The following RGS3 variants were observed in gnomAD, a reference collection of about 807,000 sequenced individuals.
The protein encoded by RGS3 is regulator of G-protein signalling 3.
Under a neutral mutation model 132.6 loss-of-function variants are expected in RGS3, and 80 were observed. That is an observed-to-expected ratio of 0.60 (90% CI 0.50 to 0.73). The LOEUF (loss-of-function observed/expected upper bound fraction) is 0.73, where lower values mean the gene tolerates loss of function less well. RGS3 is among the 30% of genes least tolerant of loss of function. The probability of loss-of-function intolerance (pLI) is 0.00; values close to 1 mark genes in which losing one functional copy is unlikely to be tolerated. For synonymous variants in RGS3, 598 were observed against 620.6 expected (o/e 0.96, Z 0.54); for missense variants, 1,382 against 1,530.8 (o/e 0.90, Z 1.62).
At chr9:113,594,785 C>T in intron 22 of RGS3, 134 bp from the exon 21 acceptor site, 2 of 848,930 alleles carry the variant, frequency 2.4e-6, no homozygotes, top group South Asian at 1.6e-5. Flanking sequence ...GGGTGGGCCT[C>T]CTTCCTGGGC....
At chr9:113,495,673 A>C in intron 7 of RGS3, 113 bp from the exon 6 acceptor site, 1 of 828,918 alleles carries the variant, frequency 1.2e-6, no homozygotes, top group Non-Finnish European at 2.1e-6. Context: ...TGATGTGGGT[A>C]AAAAGCTTTG....
Position 113,507,385 on chromosome 9 carries a change from C to T in RGS3, c.1184C>T (p.Ser395Leu), listed in dbSNP as rs373897901. The T allele has an allele frequency of 1.7e-5, 27 of 1,613,782 alleles. No individual in the cohort carries two copies. Among genetic ancestry groups the T allele is most frequent in the Admixed American group, 3.3e-5 (2 of 60,020 alleles). ...GTCCTGCGGCGGGCCTCCTGCAAGT[C>T]GACACATGACCTCCAGTCACCCCCC... Residue 395 changes from serine to leucine, a missense_variant, in exon 13 of 25, where the codon TCG (serine) becomes TTG (leucine). Ser to Leu is a moderately radical substitution (Grantham distance 145). Transcript: ENST00000350696. The surrounding 1 kb of genome is among the most constrained non-coding windows in gnomAD (Gnocchi z 5.0).
intron 10 of RGS3, chr9:113,501,773 G>A (rs1355564540): frequency 1.1e-6 from 1 of 910,566 alleles, no homozygotes; most frequent in Non-Finnish European, 1.7e-6. Flanking sequence ...TGGGGAGGAG[G>A]ATAGAGACAG....
intron 19 of RGS3, among the ~76,000 whole-genome samples, chr9:113,567,014 C>A (rs998306779): frequency 6.6e-5 from 10 of 152,362 alleles, no homozygotes; most frequent in African/African-American, 2.4e-4. Flanking sequence ...GGGCTCACTG[C>A]AAGCCCAGAC....
At chr9:113,514,896 C>A (rs1021481460) in intron 15 of RGS3, among the ~76,000 whole-genome samples, 1 of 152,160 alleles carries the variant, frequency 6.6e-6, no homozygotes, top group Non-Finnish European at 1.5e-5. Context: ...CTCTCCTTCC[C>A]CCACCTCGCC....
Position 113,541,507 on chromosome 9 carries a change from A to C in RGS3, c.2037+4589A>C. On this transcript the variant is annotated intron_variant, in intron 19 of 24. Transcript: ENST00000350696. Reference sequence around the variant, plus strand: ...CCCTACCACACAGTAACCTCACCTCAACTGGACCTGAAACAGAGGACCAAG... The same window carrying C: ...CCCTACCACACAGTAACCTCACCTCCACTGGACCTGAAACAGAGGACCAAG... The C allele has an allele frequency of 8.3e-6, 13 of 1,561,500 alleles. No individual in the cohort carries two copies. The East Asian group carries it at 1.4e-4, about 16-fold the overall frequency.
At chr9:113,517,250 A>C in intron 15 of RGS3, 1 of 553,184 alleles carries the variant, frequency 1.8e-6, no homozygotes, top group Non-Finnish European at 3.5e-6. Flanking sequence ...GGGGCTGAGG[A>C]CTGCAGAGGG....
At chr9:113,460,299 T>A (rs1829444738) in exon 1 of RGS3, 1 of 511,798 alleles carries the variant, frequency 2.0e-6, no homozygotes, top group South Asian at 1.9e-5. Context: ...GATGGGCAGA[T>A]CGCAAGGTCA....
At chr9:113,465,818 G>A (rs924405676) in intron 3 of RGS3, among the ~76,000 whole-genome samples, 1 of 152,138 alleles carries the variant, frequency 6.6e-6, no homozygotes, top group Non-Finnish European at 1.5e-5. Context: ...ATTCGTGCAG[G>A]CTCCTCTCAC....
intron 19 of RGS3, among the ~76,000 whole-genome samples, chr9:113,572,874 C>G (rs888670132): frequency 2.8e-4 from 42 of 152,360 alleles, no homozygotes; most frequent in Admixed American, 7.8e-4. Context: ...AGTTTCCCCC[C>G]CTGAAACCTG....
chr9:113,540,941 G>T (rs948610356), intron 19 of RGS3, among the ~76,000 whole-genome samples: 6 of 152,214 alleles, frequency 3.9e-5, no homozygotes, highest in Non-Finnish European at 5.9e-5. Flanking sequence ...TGAACTAGCC[G>T]CTATCGTTCT....
intron 19 of RGS3, among the ~76,000 whole-genome samples, chr9:113,567,601 A>G (rs1834070936): frequency 6.6e-6 from 1 of 152,094 alleles, no homozygotes; most frequent in Admixed American, 6.5e-5. Context: ...GGGCCAAGGG[A>G]TGGGGCTGGG....
At chr9:113,536,393 TG>T in intron 18 of RGS3, 1 of 715,254 alleles carries the variant, frequency 1.4e-6, no homozygotes, top group Non-Finnish European at 1.7e-6. Context: ...CCAGGGGAGG[TG>T]GGGAGGGTTC....
At chr9:113,531,135 G>A (rs912267201) in intron 18 of RGS3, among the ~76,000 whole-genome samples, 3 of 152,192 alleles carry the variant, frequency 2.0e-5, no homozygotes, top group South Asian at 2.1e-4. Flanking sequence ...GGTGTTATCC[G>A]AAAGTAGTCC....
chr9:113,458,905 C>T (rs1829413766), upstream of RGS3, among the ~76,000 whole-genome samples: 1 of 152,126 alleles, frequency 6.6e-6, no homozygotes, highest in Non-Finnish European at 1.5e-5. Context: ...GCGCATGCCA[C>T]CACACCTGAC....
chr9:113,544,285 G>T (rs1049990192), intron 19 of RGS3, among the ~76,000 whole-genome samples: 3 of 149,564 alleles, frequency 2.0e-5, no homozygotes, highest in Non-Finnish European at 3.0e-5. Flanking sequence ...CCGACCCTCT[G>T]ATCCCATTTT....
chr9:113,594,157 T>A, intron 21 of RGS3: 1 of 1,612,926 alleles, frequency 6.2e-7, no homozygotes, highest in South Asian at 1.1e-5. Flanking sequence ...CCAGAGAGCG[T>A]GTGTGGCTGC....
In RGS3 at chr9:113,558,836, T is replaced by G. The variant is rs570764438; in HGVS notation, c.2037+21918T>G. On this transcript the variant is annotated intron_variant, in intron 19 of 24. Transcript: ENST00000350696. ...GGTGGCAATGTCAAGTTGAAGTTCT[T>G]TAAACACAATCAATCTTGCTACCTA... 2.6e-5 allele frequency among the ~76,000 whole-genome samples: 4 copies of G among 152,298 alleles called. No individual in the cohort carries two copies. The East Asian group carries it at 5.8e-4, about 22-fold the overall frequency.
At chr9:113,595,711 A>G in exon 24 of RGS3, 1 of 1,614,168 alleles carries the variant, frequency 6.2e-7, no homozygotes, top group Non-Finnish European at 8.5e-7. Context: ...CCAAGATGGC[A>G]TCCAAGGCCA....
Sources: allele counts gnomAD v4.1 joint callset (sites outside exome capture counted in the v4.1 genomes callset), GRCh38; gene constraint gnomAD v4.1.1; non-coding constraint Gnocchi (gnomAD v3.1); transcripts MANE v1.5; gene names NCBI Gene and HGNC (gene_info 2026-07-23, HGNC 2026-07-21).